DLG2: variants seen among roughly 807,000 people sequenced by gnomAD.
The protein encoded by DLG2 is discs large MAGUK scaffold protein 2.
A neutral mutation model predicts 132.5 loss-of-function variants in DLG2; 45 were observed. The observed-to-expected ratio is 0.34, with a 90% confidence interval of 0.27 to 0.44. DLG2 has a LOEUF of 0.44. Among genes scored for constraint, DLG2 ranks in the 20% least tolerant of loss-of-function variants. The probability of loss-of-function intolerance (pLI) is 1.00; values close to 1 mark genes in which losing one functional copy is unlikely to be tolerated. For missense variants in DLG2, 1,045 were observed against 1,196.9 expected (o/e 0.87, Z 1.87); for synonymous variants, 424 against 419.6 (o/e 1.01, Z -0.13).
intron 7 of DLG2, among the ~76,000 whole-genome samples, chr11:84,418,718 T>A (rs1038904698): frequency 2.0e-5 from 3 of 152,198 alleles, no homozygotes; most frequent in African/African-American, 7.2e-5. Context: ...CAGATGCAAC[T>A]GTTAGTTCCC....
intron 21 of DLG2, among the ~76,000 whole-genome samples, chr11:83,508,622 C>T (rs1188615781): frequency 6.6e-6 from 1 of 151,966 alleles, no homozygotes; most frequent in Non-Finnish European, 1.5e-5. Context: ...CCTTCTTAAA[C>T]ATTTTGCACT....
chr11:85,091,329 C>A (rs1467079399), intron 6 of DLG2, among the ~76,000 whole-genome samples: 1 of 152,206 alleles, frequency 6.6e-6, no homozygotes, highest in Non-Finnish European at 1.5e-5. Flanking sequence ...TAAGGATGAT[C>A]TGACCCTTCA....
At chr11:85,256,034 G>C (rs2076648254) in intron 4 of DLG2, among the ~76,000 whole-genome samples, 1 of 152,116 alleles carries the variant, frequency 6.6e-6, no homozygotes, top group African/African-American at 2.4e-5. Flanking sequence ...GGGTAGAAGA[G>C]GGCAGTTCTG....
intron 3 of DLG2, among the ~76,000 whole-genome samples, chr11:85,507,667 A>G (rs1366623907): frequency 6.6e-6 from 1 of 152,094 alleles, no homozygotes; most frequent in East Asian, 1.9e-4. Context: ...ACTTTGGTGA[A>G]TCTGACAATT....
chr11:85,162,773 A>G (rs1180723940), intron 4 of DLG2, among the ~76,000 whole-genome samples: 1 of 152,160 alleles, frequency 6.6e-6, no homozygotes, highest in Non-Finnish European at 1.5e-5. Flanking sequence ...AAGATTATGT[A>G]TGATCTCAGG....
chr11:84,381,787 A>C (rs1223057293), intron 7 of DLG2, among the ~76,000 whole-genome samples: 1 of 152,196 alleles, frequency 6.6e-6, no homozygotes, highest in Non-Finnish European at 1.5e-5. Context: ...AATGTGGGAA[A>C]GCTTTAGATA....
chr11:84,095,687 C>G (rs1403354610), intron 10 of DLG2, among the ~76,000 whole-genome samples: 1 of 152,144 alleles, frequency 6.6e-6, no homozygotes, highest in African/African-American at 2.4e-5. Flanking sequence ...CAGGATAAGT[C>G]ACTCCTCTGA....
chr11:85,383,570 A>G (rs2086077727), intron 3 of DLG2, among the ~76,000 whole-genome samples: 1 of 152,176 alleles, frequency 6.6e-6, no homozygotes, highest in South Asian at 2.1e-4. Flanking sequence ...CTCCTTACTA[A>G]TATTTAAACG....
At chr11:84,923,295 A>T in intron 6 of DLG2, 1 of 1,441,292 alleles carries the variant, frequency 6.9e-7, no homozygotes, top group African/African-American at 1.4e-5. Flanking sequence ...GCACTGAGTG[A>T]GAGCTCAAAA....
chr11:83,876,278 C>T (rs984634277), intron 15 of DLG2, among the ~76,000 whole-genome samples: 4 of 152,118 alleles, frequency 2.6e-5, no homozygotes, highest in African/African-American at 9.6e-5. Context: ...ATAAATAAAC[C>T]ATTATGATTT....
At chr11:84,308,098 C>T (rs536797458) in intron 7 of DLG2, among the ~76,000 whole-genome samples, 66 of 152,296 alleles carry the variant, frequency 4.3e-4, no homozygotes, top group Admixed American at 1.2e-3. Flanking sequence ...CCACTGCTGG[C>T]TCTGGGAGCA....
At chr11:84,981,362 C>T (rs536719947) in intron 6 of DLG2, among the ~76,000 whole-genome samples, 6 of 152,230 alleles carry the variant, frequency 3.9e-5, no homozygotes, top group Middle Eastern at 3.4e-3. Context: ...GAGGAAGGGT[C>T]GTGACCGTAG....
intron 6 of DLG2, among the ~76,000 whole-genome samples, chr11:84,714,553 C>CTTTCTCTTTCTCTTTCTT (rs397956960): frequency 1.8e-5 from 2 of 109,202 alleles, no homozygotes; most frequent in African/African-American, 1.0e-4. Flanking sequence ...TTCTCTTTCT[C>CTTTCTCTTTCTCTTTCTT]TCTCTTTCTC....
At chr11:83,937,034 T>C (rs1426845662) in intron 14 of DLG2, among the ~76,000 whole-genome samples, 1 of 152,228 alleles carries the variant, frequency 6.6e-6, no homozygotes, top group African/African-American at 2.4e-5. Flanking sequence ...CTTACACTTT[T>C]GTAAACCTGC....
At chr11:84,948,845 T>C (rs754543049) in intron 6 of DLG2, among the ~76,000 whole-genome samples, 2 of 152,126 alleles carry the variant, frequency 1.3e-5, no homozygotes, top group Non-Finnish European at 2.9e-5. Flanking sequence ...ATGTGTAAAA[T>C]AAGAAAAATA....
At chr11:84,075,033 A>C (rs934644974) in intron 10 of DLG2, among the ~76,000 whole-genome samples, 15 of 152,044 alleles carry the variant, frequency 9.9e-5, no homozygotes, top group Admixed American at 7.9e-4. Flanking sequence ...TGTGCCCTAC[A>C]TACCTAGCTC....
intron 12 of DLG2, among the ~76,000 whole-genome samples, chr11:83,969,876 A>G (rs1329535110): frequency 6.6e-6 from 1 of 152,020 alleles, no homozygotes; most frequent in Non-Finnish European, 1.5e-5. Flanking sequence ...CCTGGCCGAT[A>G]ATGAATATTT....
At chr11:84,373,265 C>CCA (rs2098715130) in intron 7 of DLG2, among the ~76,000 whole-genome samples, 1 of 98,090 alleles carries the variant, frequency 1.0e-5, no homozygotes, top group African/African-American at 4.6e-5. Flanking sequence ...AAAAAAAAAA[C>CCA]AAAACAAAAA....
chr11:83,841,130 C>T lies in DLG2; in HGVS notation c.1566-7360G>A, dbSNP rs182661704. Among the ~76,000 whole-genome samples, 585 of 152,194 alleles carry T rather than the reference C, an allele frequency of 3.8e-3. 7 individuals carry two copies. The highest frequency in any genetic ancestry group is 6.9e-3 in the South Asian group (33 of 4,812). ...TTTTGTGTGTGAGGGCATTGTGGCC[C>T]CCAGTGAGATCATAATATCCTGGAG... On this transcript the variant is annotated intron_variant, in intron 16 of 27. Transcript: ENST00000376104.
Sources: allele counts gnomAD v4.1 joint callset (sites outside exome capture counted in the v4.1 genomes callset), GRCh38; gene constraint gnomAD v4.1.1; transcripts MANE v1.5; gene names NCBI Gene and HGNC (gene_info 2026-07-23, HGNC 2026-07-21).